The following HHLA2 variants were observed in gnomAD, a reference collection of about 807,000 sequenced individuals.
HHLA2 encodes HHLA2 member of B7 family, also known as HERV-H LTR-associating protein 2.
Under a neutral mutation model 45.9 loss-of-function variants are expected in HHLA2, and 48 were observed. The observed-to-expected ratio is 1.05, with a 90% confidence interval of 0.83 to 1.33. The LOEUF (loss-of-function observed/expected upper bound fraction) is 1.33. HHLA2 is among the 40% of genes most tolerant of loss of function. The pLI, the probability that HHLA2 is intolerant of heterozygous loss-of-function variation, is 0.00. For synonymous variants in HHLA2, 161 were observed against 173.9 expected, an observed-to-expected ratio of 0.93 and a Z score of 0.59; for missense variants, 462 against 494.3, an observed-to-expected ratio of 0.93 and a Z score of 0.62.
intron 1 of HHLA2, among the ~76,000 whole-genome samples, chr3:108,309,454 T>A (rs1042684391): frequency 6.6e-6 from 1 of 152,168 alleles, no homozygotes; most frequent in Non-Finnish European, 1.5e-5. Flanking sequence ...ATTCCTCCTG[T>A]TTTGTTCTGT....
chr3:108,321,300 G>A (rs1245552453), intron 2 of HHLA2, among the ~76,000 whole-genome samples: 1 of 151,912 alleles, frequency 6.6e-6, no homozygotes, highest in African/African-American at 2.4e-5. Flanking sequence ...CGTCTTTATT[G>A]GTTTATACTC....
intron 1 of HHLA2, among the ~76,000 whole-genome samples, chr3:108,298,638 G>C (rs1410543183): frequency 6.6e-6 from 1 of 152,134 alleles, no homozygotes; most frequent in Non-Finnish European, 1.5e-5. Context: ...ATCTTTTTCT[G>C]TTGGAGACTA....
At chr3:108,328,244 A>C (rs948407557) in intron 2 of HHLA2, 2 of 1,156,716 alleles carry the variant, frequency 1.7e-6, no homozygotes, top group Non-Finnish European at 2.4e-6. Flanking sequence ...CTCTGGAATC[A>C]CCTTAATCTA....
intron 3 of HHLA2, among the ~76,000 whole-genome samples, chr3:108,334,593 T>C (rs1372331894): frequency 6.6e-6 from 1 of 152,216 alleles, no homozygotes; most frequent in African/African-American, 2.4e-5. Context: ...CCCTATTATA[T>C]ACTCAGAGAC....
At chr3:108,371,582 T>A (rs2107510265) in intron 8 of HHLA2, among the ~76,000 whole-genome samples, 1 of 152,192 alleles carries the variant, frequency 6.6e-6, no homozygotes, top group South Asian at 2.1e-4. Context: ...AGGAAACCTA[T>A]CTCACGTGCA....
intron 9 of HHLA2, 71 bp from the exon 9 acceptor site, chr3:108,376,422 A>G: frequency 8.7e-7 from 1 of 1,146,338 alleles, no homozygotes; most frequent in East Asian, 2.5e-5. Context: ...GATTATATTG[A>G]GATAGGACTA....
chr3:108,364,435 A>G (rs984103691), intron 8 of HHLA2, among the ~76,000 whole-genome samples: 1 of 152,160 alleles, frequency 6.6e-6, no homozygotes, highest in South Asian at 2.1e-4. Context: ...GCTATTGTGC[A>G]TAGTGCTGCA....
intron 3 of HHLA2, among the ~76,000 whole-genome samples, chr3:108,334,182 A>G (rs1452387530): frequency 2.0e-5 from 3 of 152,212 alleles, no homozygotes; most frequent in Non-Finnish European, 4.4e-5. Flanking sequence ...TCCAAAGGCA[A>G]TGCAATAATC....
chr3:108,313,628 C>T (rs962904418), intron 2 of HHLA2, among the ~76,000 whole-genome samples: 16 of 152,228 alleles, frequency 1.1e-4, no homozygotes, highest in Admixed American at 5.2e-4. Flanking sequence ...CTGTAGCTGC[C>T]GGTTAAAACC....
At chr3:108,345,658 G>A (rs1260853794) in intron 3 of HHLA2, among the ~76,000 whole-genome samples, 2 of 152,184 alleles carry the variant, frequency 1.3e-5, no homozygotes, top group South Asian at 4.1e-4. Flanking sequence ...GGGAAGTGCA[G>A]CAGCTGCAGA....
intron 1 of HHLA2, among the ~76,000 whole-genome samples, chr3:108,306,087 C>T (rs1322169486): frequency 6.6e-6 from 1 of 152,144 alleles, no homozygotes; most frequent in East Asian, 1.9e-4. Context: ...GCAAGGGTTC[C>T]CCAGTCATCT....
At chr3:108,305,359 T>C (rs77401698) in intron 1 of HHLA2, among the ~76,000 whole-genome samples, 8,278 of 152,208 alleles carry the variant, frequency 0.054, 337 homozygotes, top group East Asian at 0.23. Context: ...CCAGCAATTC[T>C]CTTGGTCGTA....
chr3:108,362,339 T>TA lies in HHLA2; in HGVS notation c.1004-2dup, dbSNP rs1324709978. ...AGACTTTGTTTCTCCTTTTTTTTTT[T>TA]AGAACCGAGCCAAGAAACAGCTTCC... On this transcript the variant is annotated splice_polypyrimidine_tract_variant and splice_region_variant and intron_variant, in intron 7 of 10. Coordinates refer to ENST00000619531, the Ensembl canonical transcript of HHLA2. 1 of 1,599,542 alleles carries TA rather than the reference T, an allele frequency of 6.3e-7. No homozygotes were observed. Among genetic ancestry groups the TA allele is most frequent in the African/African-American group, 1.4e-5 (1 of 74,026 alleles).
At chr3:108,375,845 G>A in intron 9 of HHLA2, 45 bp downstream of exon 8, 2 of 1,599,826 alleles carry the variant, frequency 1.3e-6, no homozygotes, top group Non-Finnish European at 1.7e-6. Flanking sequence ...TGGTTCTGGA[G>A]GAGCAGTCAA....
intron 6 of HHLA2, among the ~76,000 whole-genome samples, chr3:108,357,055 C>T (rs1388000422): frequency 1.3e-5 from 2 of 152,152 alleles, no homozygotes; most frequent in Admixed American, 6.5e-5. Flanking sequence ...ACCTTTTACA[C>T]GTTGCTAAGG....
intron 8 of HHLA2, among the ~76,000 whole-genome samples, chr3:108,370,842 T>C (rs1305483294): frequency 6.6e-6 from 1 of 152,304 alleles, no homozygotes; most frequent in South Asian, 2.1e-4. Flanking sequence ...AGACTAAATC[T>C]ACGTCTGATT....
At chr3:108,328,202 T>A (rs2107368986) in intron 2 of HHLA2, 1 of 704,552 alleles carries the variant, frequency 1.4e-6, no homozygotes, top group Admixed American at 3.8e-5. Flanking sequence ...GGGAATTTGT[T>A]TTTATTTTAC....
chr3:108,362,296 AT>A, intron 7 of HHLA2, 45 bp from the exon 7 acceptor site: 1 of 1,416,260 alleles, frequency 7.1e-7, no homozygotes, highest in Non-Finnish European at 9.8e-7. Context: ...TTATCTGGTA[AT>A]TTTTCTTCCA....
At chr3:108,371,881 A>C (rs1399207512) in intron 8 of HHLA2, among the ~76,000 whole-genome samples, 1 of 152,196 alleles carries the variant, frequency 6.6e-6, no homozygotes, top group Non-Finnish European at 1.5e-5. Context: ...ATAATGGGAG[A>C]CTTTAACACC....
Sources: allele counts gnomAD v4.1 joint callset (sites outside exome capture counted in the v4.1 genomes callset), GRCh38; gene constraint gnomAD v4.1.1; transcripts MANE v1.5; gene names NCBI Gene and HGNC (gene_info 2026-07-23, HGNC 2026-07-21).